TENM3: variants seen among roughly 807,000 people sequenced by gnomAD.
TENM3 encodes teneurin transmembrane protein 3, also known as teneurin-3.
Under a neutral mutation model 255.1 loss-of-function variants are expected in TENM3, and 63 were observed. The ratio of observed to expected loss-of-function variants is 0.25; its 90% confidence interval spans 0.20 to 0.30. TENM3 has a LOEUF of 0.30. Among genes scored for constraint, TENM3 ranks in the 10% least tolerant of loss-of-function variants. The pLI is 1.00. For missense variants in TENM3, 2,929 were observed against 3,461.1 expected, an observed-to-expected ratio of 0.85 and a Z score of 3.86; for synonymous variants, 1,306 against 1,322.3, an observed-to-expected ratio of 0.99 and a Z score of 0.27.
chr4:182,662,028 T>C (rs566523288), intron 6 of TENM3, among the ~76,000 whole-genome samples: 1 of 152,326 alleles, frequency 6.6e-6, no homozygotes, highest in South Asian at 2.1e-4. Context: ...ATTACCAATA[T>C]GACTTTAAAT....
chr4:182,474,835 A>G (rs1398296923), intron 3 of TENM3, among the ~76,000 whole-genome samples: 1 of 151,952 alleles, frequency 6.6e-6, no homozygotes, highest in Non-Finnish European at 1.5e-5. Flanking sequence ...CTTCTTTTTA[A>G]TTGAACTTAC....
At chr4:182,025,019 C>CTTTT in the TENM3 span, among the ~76,000 whole-genome samples, 15 of 92,202 alleles carry the variant, frequency 1.6e-4, no homozygotes, top group African/African-American at 5.9e-4. Flanking sequence ...GACAGGATTT[C>CTTTT]ATTTTTTTTT....
chr4:182,361,064 GC>G (rs1765940129), intron 3 of TENM3, among the ~76,000 whole-genome samples: 1 of 152,134 alleles, frequency 6.6e-6, no homozygotes, highest in Non-Finnish European at 1.5e-5. Flanking sequence ...TTCTCTTCTG[GC>G]TTGTAGAGTT....
At chr4:181,540,015 G>T in the TENM3 span, among the ~76,000 whole-genome samples, 1 of 152,138 alleles carries the variant, frequency 6.6e-6, no homozygotes, top group Admixed American at 6.5e-5. Flanking sequence ...AGAAATGACT[G>T]CTTCTAGGGC....
chr4:182,409,285 G>A (rs1426724572), intron 3 of TENM3, among the ~76,000 whole-genome samples: 2 of 152,208 alleles, frequency 1.3e-5, no homozygotes, highest in African/African-American at 4.8e-5. Flanking sequence ...TCTCTCAGAA[G>A]ATACGCAGGG....
chr4:181,537,826 C>A, the TENM3 span, among the ~76,000 whole-genome samples: 2 of 152,182 alleles, frequency 1.3e-5, no homozygotes, highest in South Asian at 4.1e-4. Flanking sequence ...ACTAAAGCTG[C>A]CAAGACAAAA....
the TENM3 span, among the ~76,000 whole-genome samples, chr4:181,500,097 C>T: frequency 0.11 from 17,336 of 151,414 alleles, 1,206 homozygotes; most frequent in South Asian, 0.19. Flanking sequence ...GGTGTGATCT[C>T]GGCTCACTGC....
the TENM3 span, among the ~76,000 whole-genome samples, chr4:181,966,160 A>T: frequency 2.0e-5 from 3 of 152,302 alleles, no homozygotes; most frequent in South Asian, 2.1e-4. Context: ...GAAGCCACAG[A>T]CCTCATGAAG....
the TENM3 span, among the ~76,000 whole-genome samples, chr4:181,462,506 A>G: frequency 6.6e-6 from 1 of 152,128 alleles, no homozygotes; most frequent in South Asian, 2.1e-4. Context: ...CTTTTCTCTC[A>G]AGGATCAGAA....
chr4:181,894,885 CAG>C, the TENM3 span, among the ~76,000 whole-genome samples: 81 of 152,244 alleles, frequency 5.3e-4, no homozygotes, highest in African/African-American at 1.9e-3. Flanking sequence ...TTTATGCACA[CAG>C]TGTGCAAACG....
At chr4:182,453,307 G>A (rs373654546) in intron 3 of TENM3, among the ~76,000 whole-genome samples, 6 of 152,246 alleles carry the variant, frequency 3.9e-5, no homozygotes, top group East Asian at 3.9e-4. Context: ...ATGTTGGTAC[G>A]ATGGTAAATT....
At chr4:182,691,895 G>A (rs1484155266) in intron 12 of TENM3, among the ~76,000 whole-genome samples, 2 of 152,082 alleles carry the variant, frequency 1.3e-5, no homozygotes, top group Admixed American at 6.6e-5. Context: ...TAATAGCACC[G>A]ATATAGATGC....
chr4:182,592,064 A>T (rs1746705059), intron 3 of TENM3, among the ~76,000 whole-genome samples: 1 of 151,712 alleles, frequency 6.6e-6, no homozygotes, highest in Non-Finnish European at 1.5e-5. Flanking sequence ...AGGCATTTTA[A>T]TGGTAATTTA....
chr4:181,600,860 C>T, the TENM3 span, among the ~76,000 whole-genome samples: 1 of 151,868 alleles, frequency 6.6e-6, no homozygotes. Context: ...AAAAACAAAG[C>T]TTGACTTAGT....
At chr4:182,328,989 C>T (rs544863982) in intron 2 of TENM3, among the ~76,000 whole-genome samples, 4 of 152,138 alleles carry the variant, frequency 2.6e-5, no homozygotes, top group Non-Finnish European at 5.9e-5. Context: ...AGACCTGCCC[C>T]TTACCAAGGA....
At chr4:182,398,754 G>A (rs1002099942) in intron 3 of TENM3, among the ~76,000 whole-genome samples, 3 of 152,196 alleles carry the variant, frequency 2.0e-5, no homozygotes, top group African/African-American at 7.2e-5. Flanking sequence ...CAAAAGCTAA[G>A]TGTCTCTCTT....
intron 7 of TENM3, among the ~76,000 whole-genome samples, chr4:182,679,418 G>T (rs1263894290): frequency 6.6e-6 from 1 of 152,034 alleles, no homozygotes; most frequent in Non-Finnish European, 1.5e-5. Flanking sequence ...AAATAAATTT[G>T]GAAACCATAT....
At chr4:181,945,360 C>T in the TENM3 span, among the ~76,000 whole-genome samples, 6 of 152,030 alleles carry the variant, frequency 3.9e-5, no homozygotes, top group African/African-American at 1.4e-4. Flanking sequence ...TAAGCAGGAG[C>T]GACTGCTGCT....
At chr4:182,366,540 G>A (rs1766441953) in intron 3 of TENM3, among the ~76,000 whole-genome samples, 1 of 151,900 alleles carries the variant, frequency 6.6e-6, no homozygotes, top group Non-Finnish European at 1.5e-5. Context: ...TTAACTAGGG[G>A]ATACTTCATA....
Sources: gnomAD v4.1 joint callset for allele counts (sites outside exome capture counted in the v4.1 genomes callset) on GRCh38, gnomAD v4.1.1 for gene constraint, MANE v1.5 for transcripts, NCBI Gene and HGNC (gene_info 2026-07-23, HGNC 2026-07-21) for gene names.